Variants in AP1G1 observed in about 807,000 individuals in gnomAD.
The protein encoded by AP1G1 is adaptor related protein complex 1 subunit gamma 1, also known as AP-1 complex subunit gamma-1.
AP1G1 carries 7 observed loss-of-function variants against 108.3 expected under a neutral mutation model. The ratio of observed to expected loss-of-function variants is 0.06; its 90% CI spans 0.04 to 0.12. The LOEUF is 0.12. AP1G1 is among the 10% of genes least tolerant of loss of function. AP1G1 has a pLI of 1.00. For synonymous variants in AP1G1, 379 were observed against 353.5 expected (o/e 1.07, Z -0.81); for missense variants, 756 against 1,010.7 (o/e 0.75, Z 3.42).
At chr16:71,750,016 C>G (rs1444163194) in intron 14 of AP1G1, 33 bp from the exon 15 acceptor site, 2 of 1,578,280 alleles carry the variant, frequency 1.3e-6, no homozygotes, top group South Asian at 1.1e-5. Flanking sequence ...TTCTCAAGAA[C>G]TTCAATTTTT....
At chr16:71,801,972 G>C (rs1237156382) in intron 1 of AP1G1, among the ~76,000 whole-genome samples, 1 of 150,692 alleles carries the variant, frequency 6.6e-6, no homozygotes, top group Non-Finnish European at 1.5e-5. Flanking sequence ...AAGTGTTTCA[G>C]ATTTTGGATT....
intron 1 of AP1G1, among the ~76,000 whole-genome samples, chr16:71,794,377 T>C (rs746303823): frequency 6.6e-6 from 1 of 152,188 alleles, no homozygotes; most frequent in Non-Finnish European, 1.5e-5. Flanking sequence ...TGTCCCTCTT[T>C]GTCCTGTTTT....
intron 1 of AP1G1, among the ~76,000 whole-genome samples, chr16:71,790,808 T>C (rs2032370584): frequency 6.6e-6 from 1 of 152,134 alleles, no homozygotes; most frequent in Non-Finnish European, 1.5e-5. Context: ...AGGAAAATCT[T>C]TGCAAACAGG....
intron 1 of AP1G1, chr16:71,808,420 G>GCCCGCC (rs1221949271): frequency 8.8e-7 from 1 of 1,135,004 alleles, no homozygotes; most frequent in African/African-American, 1.6e-5. Flanking sequence ...CGGGGGTGGG[G>GCCCGCC]CCCGCCCCGC....
At chr16:71,740,595 C>T (rs538166825) in intron 19 of AP1G1, among the ~76,000 whole-genome samples, 34 of 152,248 alleles carry the variant, frequency 2.2e-4, no homozygotes, top group African/African-American at 7.2e-4. Context: ...ACTAGAAATA[C>T]ACTTAACATG....
chr16:71,807,770 G>A (rs531070510), intron 1 of AP1G1: 6 of 1,276,772 alleles, frequency 4.7e-6, no homozygotes, highest in East Asian at 5.6e-5. Flanking sequence ...ACTAATCACT[G>A]TAAAGCAGCC....
At chr16:71,779,872 C>G (rs1460239231) in intron 2 of AP1G1, among the ~76,000 whole-genome samples, 11 of 152,092 alleles carry the variant, frequency 7.2e-5, no homozygotes, top group Non-Finnish European at 1.6e-4. Flanking sequence ...AATCCCAGCA[C>G]TTTGGGGAGG....
At chr16:71,801,043 A>G (rs1428287644) in intron 1 of AP1G1, among the ~76,000 whole-genome samples, 1 of 152,312 alleles carries the variant, frequency 6.6e-6, no homozygotes, top group Non-Finnish European at 1.5e-5. Flanking sequence ...GCGGTGGCTC[A>G]TGCCTGTAAT....
At chr16:71,777,895 G>GAC (rs2031852696) in intron 2 of AP1G1, 2 of 227,384 alleles carry the variant, frequency 8.8e-6, no homozygotes, top group African/African-American at 2.3e-5. Flanking sequence ...AGGGGCCCTG[G>GAC]ACAGTGGAGG....
At chr16:71,803,386 T>G in intron 1 of AP1G1, among the ~76,000 whole-genome samples, 1 of 152,184 alleles carries the variant, frequency 6.6e-6, no homozygotes, top group South Asian at 2.1e-4. Flanking sequence ...AGTAGGCTTT[T>G]TTTTAAAGTA....
At chr16:71,761,243 A>C (rs1216001876) in intron 10 of AP1G1, among the ~76,000 whole-genome samples, 1 of 152,230 alleles carries the variant, frequency 6.6e-6, no homozygotes, top group Non-Finnish European at 1.5e-5. Flanking sequence ...CAAAGACTCC[A>C]TGGCCCACAA....
intron 12 of AP1G1, among the ~76,000 whole-genome samples, chr16:71,755,607 T>C (rs1247247173): frequency 6.6e-6 from 1 of 152,210 alleles, no homozygotes; most frequent in Non-Finnish European, 1.5e-5. Context: ...ATAAATGTTA[T>C]GTGTTTTAAA....
At chr16:71,735,548 G>A (rs1352586770) in intron 21 of AP1G1, among the ~76,000 whole-genome samples, 4 of 151,926 alleles carry the variant, frequency 2.6e-5, no homozygotes, top group Non-Finnish European at 5.9e-5. Context: ...TGTAGTCCCA[G>A]CTACTCGGGA....
At chr16:71,736,570 ATTT>A in intron 21 of AP1G1, among the ~76,000 whole-genome samples, 1 of 128,102 alleles carries the variant, frequency 7.8e-6, no homozygotes, top group Middle Eastern at 4.1e-3. Context: ...TTATTTATTT[ATTT>A]ATTTATTTAT....
intron 1 of AP1G1, among the ~76,000 whole-genome samples, chr16:71,802,742 C>G (rs958176251): frequency 6.7e-6 from 1 of 148,946 alleles, no homozygotes; most frequent in South Asian, 2.1e-4. Flanking sequence ...AAAAAAAATT[C>G]GTACAGCCAG....
At chr16:71,785,575 C>CAA (rs71389702) in intron 2 of AP1G1, among the ~76,000 whole-genome samples, 126 of 72,830 alleles carry the variant, frequency 1.7e-3, no homozygotes, top group East Asian at 5.3e-3. Flanking sequence ...AACCCTGCCT[C>CAA]AAAAAAAAAA....
At chr16:71,741,470 C>T (rs1294756667) in intron 19 of AP1G1, among the ~76,000 whole-genome samples, 1 of 152,106 alleles carries the variant, frequency 6.6e-6, no homozygotes, top group East Asian at 1.9e-4. Context: ...ATAGTCCCAG[C>T]CACTCGGGAG....
At chr16:71,789,604 T>C (rs893629869) in intron 1 of AP1G1, 122 bp from the exon 2 acceptor site, 1 of 975,168 alleles carries the variant, frequency 1.0e-6, no homozygotes, top group South Asian at 1.6e-5. Flanking sequence ...AAATCCAGCT[T>C]AGCGAAGCTA....
intron 2 of AP1G1, among the ~76,000 whole-genome samples, chr16:71,780,628 A>G (rs1384717331): frequency 2.0e-5 from 3 of 151,280 alleles, no homozygotes; most frequent in Non-Finnish European, 4.4e-5. Flanking sequence ...AGTCACCTTT[A>G]TTTATTTTAT....
Sources: gnomAD v4.1 joint callset for allele counts (sites outside exome capture counted in the v4.1 genomes callset) on GRCh38, gnomAD v4.1.1 for gene constraint, MANE v1.5 for transcripts, NCBI Gene and HGNC (gene_info 2026-07-23, HGNC 2026-07-21) for gene names.